Variants in GDAP2 observed in about 807,000 individuals in gnomAD.
The protein encoded by GDAP2 is ganglioside-induced differentiation-associated protein 2.
GDAP2 carries 51 observed loss-of-function variants against 67.0 expected under a neutral mutation model. The ratio of observed to expected loss-of-function variants is 0.76; its 90% confidence interval spans 0.61 to 0.96. The LOEUF is 0.96. Ranked by LOEUF, GDAP2 falls within the 40% of genes least tolerant of loss-of-function variation. The pLI is 0.00. For missense variants in GDAP2, 547 were observed against 588.3 expected (o/e 0.93, Z 0.73); for synonymous variants, 203 against 207.3 (o/e 0.98, Z 0.18).
chr1:117,874,263 T>A (rs1019537283), intron 13 of GDAP2, among the ~76,000 whole-genome samples: 1 of 152,172 alleles, frequency 6.6e-6, no homozygotes, highest in Non-Finnish European at 1.5e-5. Flanking sequence ...CTCATAAATG[T>A]CTTGGTGCTG....
chr1:117,924,752 T>C (rs1650384182), intron 1 of GDAP2, among the ~76,000 whole-genome samples: 1 of 152,204 alleles, frequency 6.6e-6, no homozygotes, highest in African/African-American at 2.4e-5. Context: ...TTGAAATTAC[T>C]TTGAAATAAA....
At chr1:117,881,764 T>A in intron 12 of GDAP2, 59 bp downstream of exon 12, 1 of 862,010 alleles carries the variant, frequency 1.2e-6, no homozygotes, top group Non-Finnish European at 2.0e-6. Context: ...ATTATCTTAA[T>A]ACTCTGGGCA....
chr1:117,883,708 A>G (rs1333949951), intron 10 of GDAP2, 81 bp from the exon 11 acceptor site: 2 of 1,005,756 alleles, frequency 2.0e-6, no homozygotes, highest in African/African-American at 1.6e-5. Context: ...AAACAAAACA[A>G]AACAAAATAG....
chr1:117,893,691 T>C (rs1356077691), intron 8 of GDAP2, among the ~76,000 whole-genome samples: 2 of 152,200 alleles, frequency 1.3e-5, no homozygotes, highest in Admixed American at 1.3e-4. Flanking sequence ...CGGCTGAGCA[T>C]GCAAACAGTT....
intron 5 of GDAP2, among the ~76,000 whole-genome samples, chr1:117,909,215 C>T (rs1033679898): frequency 1.4e-4 from 22 of 152,172 alleles, no homozygotes; most frequent in African/African-American, 4.6e-4. Context: ...CATCTGGAAA[C>T]ACCACGAGAA....
intron 8 of GDAP2, among the ~76,000 whole-genome samples, chr1:117,891,669 C>T (rs1428789680): frequency 6.6e-6 from 1 of 152,014 alleles, no homozygotes; most frequent in Non-Finnish European, 1.5e-5. Flanking sequence ...AATATCTGCC[C>T]CCATTCCGTA....
At position 117,919,325 on chromosome 1, in the gene GDAP2, G is replaced by A. The variant is rs569085325; in HGVS notation, c.177-589C>T. Among the ~76,000 whole-genome samples the A allele has an allele frequency of 2.3e-4, 34 of 147,394 alleles. 1 individual carries two copies. The South Asian group carries it at 6.6e-3, about 29-fold the overall frequency. On this transcript the variant is annotated intron_variant, in intron 2 of 13. Transcript: ENST00000369443. ...GGAGGCGGAGCTTGCAGTGAGCCGA[G>A]ATCACGCCACTGCACTCCAGCCTGG...
At chr1:117,917,324 T>C (rs758616688) in intron 3 of GDAP2, among the ~76,000 whole-genome samples, 1 of 152,186 alleles carries the variant, frequency 6.6e-6, no homozygotes, top group Non-Finnish European at 1.5e-5. Flanking sequence ...AAAAAGGGGA[T>C]AGGATTAAGT....
At chr1:117,884,636 C>T (rs1318306529) in intron 10 of GDAP2, among the ~76,000 whole-genome samples, 2 of 152,068 alleles carry the variant, frequency 1.3e-5, no homozygotes, top group Non-Finnish European at 2.9e-5. Context: ...GGAAATGATA[C>T]ATCATGAATA....
At chr1:117,906,237 C>T (rs746033363) in intron 6 of GDAP2, among the ~76,000 whole-genome samples, 11 of 152,148 alleles carry the variant, frequency 7.2e-5, no homozygotes, top group Non-Finnish European at 1.6e-4. Flanking sequence ...AGAGCTAACA[C>T]AAGGGCCAAG....
chr1:117,910,430 T>C (rs1310150694), intron 5 of GDAP2, among the ~76,000 whole-genome samples: 2 of 152,166 alleles, frequency 1.3e-5, no homozygotes, highest in Non-Finnish European at 2.9e-5. Context: ...ATGTAATGTA[T>C]ATAAGCTTAA....
chr1:117,914,833 T>C (rs1649995089), intron 3 of GDAP2, among the ~76,000 whole-genome samples: 1 of 152,132 alleles, frequency 6.6e-6, no homozygotes, highest in African/African-American at 2.4e-5. Flanking sequence ...ACCAATTAAG[T>C]ACGAAGGTGG....
At chr1:117,928,013 C>A (rs1365769374) in intron 1 of GDAP2, among the ~76,000 whole-genome samples, 1 of 152,162 alleles carries the variant, frequency 6.6e-6, no homozygotes, top group Admixed American at 6.5e-5. Context: ...GATACCAACT[C>A]TTATTAAAAT....
intron 1 of GDAP2, 52 bp from the exon 2 acceptor site, chr1:117,920,476 G>T: frequency 1.6e-6 from 1 of 611,312 alleles, no homozygotes; most frequent in South Asian, 2.8e-5. Context: ...GATATTACTT[G>T]AATTCTATTA....
chr1:117,927,321 T>C (rs1466282711), intron 1 of GDAP2, among the ~76,000 whole-genome samples: 1 of 152,126 alleles, frequency 6.6e-6, no homozygotes, highest in Non-Finnish European at 1.5e-5. Context: ...GATTTTATTG[T>C]TCAAAACTGG....
chr1:117,892,559 A>G (rs1649121640), intron 8 of GDAP2, among the ~76,000 whole-genome samples: 1 of 152,136 alleles, frequency 6.6e-6, no homozygotes, highest in African/African-American at 2.4e-5. Flanking sequence ...CTATTATTTT[A>G]TGAGTAAATA....
intron 6 of GDAP2, among the ~76,000 whole-genome samples, chr1:117,902,080 G>C (rs1384712413): frequency 2.0e-5 from 3 of 152,130 alleles, no homozygotes; most frequent in Non-Finnish European, 4.4e-5. Flanking sequence ...GAAACCTACT[G>C]TTCCTCCCGT....
rs190676050 is a variant in GDAP2, at chr1:117,872,429, T to C, written c.1447-1813A>G. ...AGCACTATTCCCAATAGCAAAGACA[T>C]GGAATCAACCCAAATGCCCATCAAT... On this transcript the variant is annotated intron_variant, in intron 13 of 13. Transcript: ENST00000369443. 8.5e-5 allele frequency among the ~76,000 whole-genome samples: 13 copies of C among 152,214 alleles called. No individual in the cohort carries two copies. The East Asian group carries it at 2.5e-3, about 29-fold the overall frequency.
chr1:117,870,558 A>G lies in GDAP2; in HGVS notation c.*11T>C, dbSNP rs1324056970. ...CATCCTGGGAACCAAGAAGCACTGAAAGATGGCAGGTCACAAATCTGGTGA... is the reference window on the plus strand; with the variant it reads ...CATCCTGGGAACCAAGAAGCACTGAGAGATGGCAGGTCACAAATCTGGTGA... On this transcript the variant is annotated 3_prime_UTR_variant, in exon 14 of 14. Coordinates refer to ENST00000369443, the MANE Select transcript of GDAP2 (RefSeq NM_017686.4). 6.4e-7 allele frequency: 1 copy of G among 1,574,796 alleles called. No individual in the cohort carries two copies. The highest frequency in any genetic ancestry group is 8.7e-7 in the Non-Finnish European group (1 of 1,144,278).
Sources: allele counts gnomAD v4.1 joint callset (sites outside exome capture counted in the v4.1 genomes callset), GRCh38; gene constraint gnomAD v4.1.1; transcripts MANE v1.5; gene names NCBI Gene and HGNC (gene_info 2026-07-23, HGNC 2026-07-21).